GNG10: variants seen among roughly 807,000 people sequenced by gnomAD.
GNG10 encodes the protein G protein subunit gamma 10, also known as guanine nucleotide-binding protein G(I)/G(S)/G(O) subunit gamma-10.
Under a neutral mutation model 6.8 loss-of-function variants are expected in GNG10, and 7 were observed. That is an observed-to-expected ratio of 1.02 (90% CI 0.58 to 1.92). The LOEUF is 1.92. Ranked by LOEUF, GNG10 falls within the 30% of genes most tolerant of loss-of-function variation. The pLI, the probability that GNG10 is intolerant of heterozygous loss-of-function variation, is 0.00. For synonymous variants in GNG10, 28 were observed against 34.8 expected (o/e 0.80, Z 0.69); for missense variants, 57 against 86.1 (o/e 0.66, Z 1.34).
intron 1 of GNG10, among the ~76,000 whole-genome samples, chr9:111,663,296 A>G (rs762099459): frequency 6.6e-5 from 10 of 152,062 alleles, no homozygotes; most frequent in Admixed American, 1.3e-4. Flanking sequence ...TCCTGCAGCA[A>G]TCTTTACCAT....
intron 1 of GNG10, among the ~76,000 whole-genome samples, chr9:111,665,635 G>C (rs1830884351): frequency 6.6e-6 from 1 of 152,324 alleles, no homozygotes; most frequent in East Asian, 1.9e-4. Context: ...CCTGCACCAA[G>C]AGAGATAGGT....
At chr9:111,663,404 G>T (rs1306255898) in intron 1 of GNG10, among the ~76,000 whole-genome samples, 1 of 152,196 alleles carries the variant, frequency 6.6e-6, no homozygotes, top group Non-Finnish European at 1.5e-5. Flanking sequence ...GGAGGGCAAG[G>T]CGTGTGAAGG....
At chr9:111,669,018 G>A (rs150022326) in intron 2 of GNG10, among the ~76,000 whole-genome samples, 28,152 of 151,842 alleles carry the variant, frequency 0.19, 3,150 homozygotes, top group East Asian at 0.38. Context: ...CACCATGCCC[G>A]GCTAATTTTT....
In GNG10 at chr9:111,661,753, C is replaced by T; in HGVS notation, c.81+38C>T. The T allele has an allele frequency of 3.3e-6, 4 of 1,224,840 alleles. No individual in the cohort carries two copies. The highest frequency in any genetic ancestry group is 4.2e-6 in the Non-Finnish European group (4 of 948,206). The allele number at this position is 1,224,840 out of a possible 1,614,324, so 75.9% of individuals were successfully genotyped here. A position where few individuals can be genotyped will look rare whatever the true frequency, so the allele number is the denominator to read the frequency against. ...GGTACCCACGCTCCGGTCCTTCCGC[C>T]CGCGGGGCGTGAGAAGAGGAGGCCG... On this transcript the variant is annotated intron_variant, in intron 1 of 2. Coordinates refer to ENST00000374293, the MANE Select transcript of GNG10 (RefSeq NM_001017998.4). This position sits in a 1 kb window ranked among gnomAD's most constrained non-coding sequence, Gnocchi z 6.1.
intron 2 of GNG10, among the ~76,000 whole-genome samples, chr9:111,668,425 T>TC (rs1157663938): frequency 3.6e-5 from 3 of 82,968 alleles, no homozygotes; most frequent in Non-Finnish European, 6.8e-5. Context: ...AAAGCTTCCT[T>TC]CTTCCCTCCC....
chr9:111,662,413 A>C (rs1830837749), intron 1 of GNG10, among the ~76,000 whole-genome samples: 1 of 151,980 alleles, frequency 6.6e-6, no homozygotes, highest in Non-Finnish European at 1.5e-5. Context: ...GAAATAAGAG[A>C]CAGCAAGGTT....
chr9:111,664,054 C>G (rs556049442), intron 1 of GNG10, among the ~76,000 whole-genome samples: 1 of 148,688 alleles, frequency 6.7e-6, no homozygotes, highest in African/African-American at 2.5e-5. Context: ...AGGCTGGTAT[C>G]GATCTCCTGA....
rs1204565767 is a variant in GNG10, at chr9:111,666,831, C to T, written c.98C>T (p.Ala33Val). The change falls in exon 2 of 3, where the codon GCA becomes GTA. Residue 33 changes from alanine to valine, a missense_variant. Ala to Val is a moderately conservative substitution (Grantham distance 64). Transcript: ENST00000374293. ...VERIKVSQAA[A>V]ELQQYCMQNA... ...TTGTTTCAGGTCTCTCAGGCAGCTG[C>T]AGAGCTTCAACAGTACTGTATGCAG... is the stretch of plus-strand genomic sequence containing the variant. The T allele has an allele frequency of 6.2e-7, 1 of 1,612,940 alleles. No homozygotes were observed. The highest frequency in any genetic ancestry group is 1.1e-5 in the South Asian group (1 of 91,018).
At chr9:111,667,260 C>T (rs895821219) in intron 2 of GNG10, among the ~76,000 whole-genome samples, 8 of 151,906 alleles carry the variant, frequency 5.3e-5, no homozygotes, top group East Asian at 1.9e-4. Context: ...GAGACAGTCT[C>T]GCTCTGTCAC....
At chr9:111,665,047 A>G (rs981149600) in intron 1 of GNG10, among the ~76,000 whole-genome samples, 1 of 152,210 alleles carries the variant, frequency 6.6e-6, no homozygotes, top group Non-Finnish European at 1.5e-5. Context: ...CTGTCATTAC[A>G]TTAATGCAAC....
intron 1 of GNG10, among the ~76,000 whole-genome samples, chr9:111,666,485 A>G (rs1402823152): frequency 6.6e-6 from 1 of 152,242 alleles, no homozygotes; most frequent in Non-Finnish European, 1.5e-5. Context: ...CATGTTTTAT[A>G]TAAGTAAAAA....
chr9:111,663,726 CA>C (rs1830857969), intron 1 of GNG10, among the ~76,000 whole-genome samples: 1 of 151,834 alleles, frequency 6.6e-6, no homozygotes, highest in South Asian at 2.1e-4. Context: ...TGGAAATTCA[CA>C]AAGACAATGT....
intron 1 of GNG10, among the ~76,000 whole-genome samples, chr9:111,665,652 ACT>A (rs1344350759): frequency 8.5e-5 from 13 of 152,054 alleles, no homozygotes; most frequent in African/African-American, 2.7e-4. Context: ...AGGTGCAGAG[ACT>A]CTTGAGGACT....
chr9:111,665,894 T>C (rs1223542428), intron 1 of GNG10, among the ~76,000 whole-genome samples: 2 of 96,296 alleles, frequency 2.1e-5, no homozygotes, highest in African/African-American at 1.9e-4. Context: ...ACCCGGTTAA[T>C]TTTTTTTTTT....
chr9:111,664,846 A>T (rs566362945), intron 1 of GNG10, among the ~76,000 whole-genome samples: 1 of 152,158 alleles, frequency 6.6e-6, no homozygotes, highest in Non-Finnish European at 1.5e-5. Context: ...TGCCACCCCA[A>T]TGCAAAGATA....
chr9:111,662,574 G>A (rs1830839562), intron 1 of GNG10, among the ~76,000 whole-genome samples: 1 of 152,242 alleles, frequency 6.6e-6, no homozygotes, highest in Non-Finnish European at 1.5e-5. Context: ...GTTTAGCTAC[G>A]AGTGCAGCAT....
intron 1 of GNG10, among the ~76,000 whole-genome samples, chr9:111,664,274 T>A (rs1830867978): frequency 6.6e-6 from 1 of 152,190 alleles, no homozygotes. Context: ...CATGGAAGTA[T>A]GATCTGGGGT....
chr9:111,661,803 G>C lies in GNG10; in HGVS notation c.81+88G>C, dbSNP rs1177846778. On this transcript the variant is annotated intron_variant, in intron 1 of 2. Transcript: ENST00000374293. The surrounding 1 kb of genome is among the most constrained non-coding windows in gnomAD (Gnocchi z 6.1). ...GGCGGCCCGGACCGGGCGCCAGCGG[G>C]GGACTCGGTGGCGGCGGCGAGGCCT... The C allele has an allele frequency of 3.4e-5, 25 of 737,528 alleles. No individual in the cohort carries two copies. Among genetic ancestry groups the C allele is most frequent in the Middle Eastern group, 5.2e-4 (1 of 1,936 alleles). The allele number at this position is 737,528 out of a possible 1,614,324, so 45.7% of individuals were successfully genotyped here.
At position 111,661,723 on chromosome 9, in the gene GNG10, C is replaced by T. The variant is rs778298660; in HGVS notation, c.81+8C>T. The T allele has an allele frequency of 6.8e-6, 9 of 1,329,958 alleles. No homozygotes were observed. In the Admixed American group the frequency reaches 1.0e-4, roughly 15 times the overall value. The allele number at this position is 1,329,958 out of a possible 1,614,324, so 82.4% of individuals were successfully genotyped here. Reference sequence around the variant, plus strand: ...GGCGTGGAGAGGATCAAGGTGCGGGCCCCGGGTACCCACGCTCCGGTCCTT... The same window carrying T: ...GGCGTGGAGAGGATCAAGGTGCGGGTCCCGGGTACCCACGCTCCGGTCCTT... On this transcript the variant is annotated splice_region_variant and intron_variant, in intron 1 of 2. Coordinates refer to ENST00000374293, the MANE Select transcript of GNG10 (RefSeq NM_001017998.4). This position sits in a 1 kb window ranked among gnomAD's most constrained non-coding sequence, Gnocchi z 6.1.
Sources: gnomAD v4.1 joint callset for allele counts (sites outside exome capture counted in the v4.1 genomes callset) on GRCh38, gnomAD v4.1.1 for gene constraint, Gnocchi (gnomAD v3.1) non-coding constraint, MANE v1.5 for transcripts, NCBI Gene and HGNC (gene_info 2026-07-23, HGNC 2026-07-21) for gene names.